Variants in DAPK1 observed in about 807,000 individuals in gnomAD.
DAPK1 encodes death-associated protein kinase 1.
DAPK1 carries 56 observed loss-of-function variants against 144.9 expected under a neutral mutation model. The ratio of observed to expected loss-of-function variants is 0.39; its 90% confidence interval spans 0.31 to 0.48. The LOEUF (loss-of-function observed/expected upper bound fraction) is 0.48. Ranked by LOEUF, DAPK1 falls within the 20% of genes least tolerant of loss-of-function variation. The pLI is 0.95. For synonymous variants in DAPK1, 690 were observed against 749.0 expected (o/e 0.92, Z 1.29); for missense variants, 1,454 against 1,875.4 (o/e 0.78, Z 4.15).
chr9:87,594,101 C>T (rs1828234553), intron 2 of DAPK1, among the ~76,000 whole-genome samples: 1 of 152,180 alleles, frequency 6.6e-6, no homozygotes. Flanking sequence ...TAAAACTGGA[C>T]TCAGAGTTCA....
At chr9:87,600,797 A>T (rs184510545) in intron 2 of DAPK1, among the ~76,000 whole-genome samples, 1 of 151,772 alleles carries the variant, frequency 6.6e-6, no homozygotes, top group Non-Finnish European at 1.5e-5. Flanking sequence ...AGCCATCCGT[A>T]TCGTTGTTAA....
intron 15 of DAPK1, 121 bp downstream of exon 15, chr9:87,649,000 AG>A (rs576373139): frequency 1.1e-3 from 944 of 840,516 alleles, no homozygotes; most frequent in Non-Finnish European, 1.6e-3. Context: ...TCCCCTACAG[AG>A]GGCAAGGCTC....
At chr9:87,701,710 C>G (rs900981483) in intron 24 of DAPK1, 12 of 318,142 alleles carry the variant, frequency 3.8e-5, no homozygotes, top group Non-Finnish European at 7.0e-5. Flanking sequence ...TTGAAGCTGC[C>G]TCTGGGTGTA....
Position 87,643,357 on chromosome 9 carries a change from T to TC in DAPK1, c.919-19_919-18insC. Reference sequence around the variant, plus strand: ...TCCTCCCCGCCCTCCCTTTTTTTTTTTTTTTTTTTAAAAAAAAGCAATCCG... The same window carrying TC: ...TCCTCCCCGCCCTCCCTTTTTTTTTTCTTTTTTTTTAAAAAAAAGCAATCCG... On this transcript the variant is annotated intron_variant, in intron 10 of 25. Transcript: ENST00000408954. 6.8e-7 allele frequency: 1 copy of TC among 1,481,320 alleles called. No individual in the cohort carries two copies. The highest frequency in any genetic ancestry group is 2.4e-5 in the East Asian group (1 of 42,372). 91.8% of individuals were successfully genotyped at this position (1,481,320 alleles called of 1,614,324 possible).
At chr9:87,693,305 T>C (rs1001302234) in intron 21 of DAPK1, among the ~76,000 whole-genome samples, 1 of 152,000 alleles carries the variant, frequency 6.6e-6, no homozygotes, top group African/African-American at 2.4e-5. Flanking sequence ...ATTGGGTTAT[T>C]ACAAAAGACC....
At chr9:87,599,862 T>C (rs1026163595) in intron 2 of DAPK1, among the ~76,000 whole-genome samples, 1 of 152,244 alleles carries the variant, frequency 6.6e-6, no homozygotes, top group African/African-American at 2.4e-5. Flanking sequence ...TTTGTCATTT[T>C]TGCACAACCT....
At chr9:87,529,095 G>A (rs992641472) in intron 2 of DAPK1, among the ~76,000 whole-genome samples, 5 of 152,142 alleles carry the variant, frequency 3.3e-5, no homozygotes, top group African/African-American at 1.2e-4. Flanking sequence ...GAAGAATCAG[G>A]GGAGAAGGGG....
intron 3 of DAPK1, among the ~76,000 whole-genome samples, chr9:87,618,354 A>T (rs1413965164): frequency 6.6e-6 from 1 of 152,236 alleles, no homozygotes; most frequent in African/African-American, 2.4e-5. Flanking sequence ...TGTTCCAGCC[A>T]CTTTGGGAAA....
intron 2 of DAPK1, among the ~76,000 whole-genome samples, chr9:87,515,066 T>G (rs966658076): frequency 1.3e-5 from 2 of 152,226 alleles, no homozygotes; most frequent in African/African-American, 4.8e-5. Context: ...GTATTTTACT[T>G]AGCTATGGAG....
At chr9:87,535,790 A>G (rs1587696724) in intron 2 of DAPK1, among the ~76,000 whole-genome samples, 1 of 152,358 alleles carries the variant, frequency 6.6e-6, no homozygotes, top group African/African-American at 2.4e-5. Flanking sequence ...TTCCCCCAAG[A>G]CACAGAGTTA....
At chr9:87,633,918 T>C (rs1456217331) in intron 3 of DAPK1, among the ~76,000 whole-genome samples, 1 of 152,006 alleles carries the variant, frequency 6.6e-6, no homozygotes, top group African/African-American at 2.4e-5. Context: ...AGGATCAAGA[T>C]TTGGAGAAGA....
At chr9:87,519,073 T>C (rs1373009901) in intron 2 of DAPK1, among the ~76,000 whole-genome samples, 1 of 152,234 alleles carries the variant, frequency 6.6e-6, no homozygotes, top group African/African-American at 2.4e-5. Flanking sequence ...GCAGCTTAGC[T>C]TGGGGCCCTG....
intron 2 of DAPK1, among the ~76,000 whole-genome samples, chr9:87,532,763 C>T (rs2118374275): frequency 6.6e-6 from 1 of 152,258 alleles, no homozygotes; most frequent in East Asian, 1.9e-4. Context: ...TTTCTTCCAA[C>T]ATTTTATTAC....
chr9:87,658,100 G>A lies in DAPK1; in HGVS notation c.1896G>A (p.Met632Ile). 9.2e-6 allele frequency: 14 copies of A among 1,513,844 alleles called. No individual in the cohort carries two copies. Among genetic ancestry groups the A allele is most frequent in the Non-Finnish European group, 1.3e-5 (14 of 1,089,642 alleles). The allele number at this position is 1,513,844 out of a possible 1,614,324, so 93.8% of individuals were successfully genotyped here. Residue 632 changes from methionine to isoleucine, a missense_variant, in exon 18 of 26, where the codon ATG becomes ATA. Met to Ile is a conservative substitution (Grantham distance 10). Transcript: ENST00000408954. ...ACGTGGTCCGGTATCTCTGTCTGAT[G>A]GGAGCCAGCGTTGAGGCGCTGACCA... ...ILDVVRYLCL[M>I]GASVEALTTD... is the part of the protein sequence containing the mutation.
At chr9:87,701,985 C>T (rs1825471618) in intron 24 of DAPK1, 1 of 409,324 alleles carries the variant, frequency 2.4e-6, no homozygotes, top group East Asian at 7.4e-5. Context: ...CTGAGGGCCC[C>T]TGTGCTTCCC....
intron 3 of DAPK1, chr9:87,633,180 G>T: frequency 2.0e-6 from 2 of 981,466 alleles, no homozygotes; most frequent in Non-Finnish European, 2.4e-6. Flanking sequence ...GGGATGAAGG[G>T]TGATCAGTAT....
intron 3 of DAPK1, among the ~76,000 whole-genome samples, chr9:87,614,532 G>T (rs929606516): frequency 6.6e-6 from 1 of 152,146 alleles, no homozygotes; most frequent in East Asian, 1.9e-4. Flanking sequence ...TGCAGGTCCT[G>T]CAAATTGTTC....
chr9:87,510,843 T>C (rs1399580601), intron 2 of DAPK1, among the ~76,000 whole-genome samples: 3 of 152,134 alleles, frequency 2.0e-5, no homozygotes, highest in Non-Finnish European at 4.4e-5. Flanking sequence ...TTCTCATCTG[T>C]AAAATGGGGA....
intron 2 of DAPK1, among the ~76,000 whole-genome samples, chr9:87,592,624 C>T (rs945183163): frequency 6.6e-6 from 1 of 152,164 alleles, no homozygotes; most frequent in Admixed American, 6.5e-5. Flanking sequence ...TCTTTACTGT[C>T]CTGGCCGTGG....
Sources: gnomAD v4.1 joint callset for allele counts (sites outside exome capture counted in the v4.1 genomes callset) on GRCh38, gnomAD v4.1.1 for gene constraint, MANE v1.5 for transcripts, NCBI Gene and HGNC (gene_info 2026-07-23, HGNC 2026-07-21) for gene names.